HPSE2: variants seen among roughly 807,000 people sequenced by gnomAD.
HPSE2 encodes inactive heparanase-2.
HPSE2 carries 38 observed loss-of-function variants against 60.5 expected under a neutral mutation model. The observed-to-expected ratio is 0.63, with a 90% CI of 0.48 to 0.82. The LOEUF (loss-of-function observed/expected upper bound fraction) is 0.82. Among genes scored for constraint, HPSE2 ranks in the 40% least tolerant of loss-of-function variants. The pLI is 0.00. For synonymous variants in HPSE2, 295 were observed against 293.2 expected (o/e 1.01, Z -0.06); for missense variants, 713 against 740.4 (o/e 0.96, Z 0.43).
intron 3 of HPSE2, among the ~76,000 whole-genome samples, chr10:98,834,197 G>T (rs1440721742): frequency 6.6e-6 from 1 of 152,102 alleles, no homozygotes; most frequent in Non-Finnish European, 1.5e-5. Context: ...ACAATTTCAG[G>T]AAGTTCTGAC....
At chr10:98,522,361 G>A (rs1446326085) in intron 9 of HPSE2, among the ~76,000 whole-genome samples, 1 of 152,064 alleles carries the variant, frequency 6.6e-6, no homozygotes, top group African/African-American at 2.4e-5. Context: ...GAAACTAATA[G>A]GTACTTTGCT....
rs77246825 is a variant in HPSE2, at chr10:98,779,942, A to T, written c.611-35886T>A. On this transcript the variant is annotated intron_variant, in intron 3 of 11. Coordinates refer to ENST00000370552, the MANE Select transcript of HPSE2 (RefSeq NM_021828.5). ...TTGCCTGATTTCTAAGAGACTTGCT[A>T]GAGAGCCACACATTAGTTACAAGCA... Among the ~76,000 whole-genome samples, 778 of 152,300 alleles carry T rather than the reference A, an allele frequency of 5.1e-3. 6 individuals are homozygous for T. The highest frequency in any genetic ancestry group is 0.017 in the African/African-American group (721 of 41,576).
intron 9 of HPSE2, among the ~76,000 whole-genome samples, chr10:98,541,858 G>C (rs1378323483): frequency 1.3e-5 from 2 of 152,234 alleles, no homozygotes; most frequent in African/African-American, 4.8e-5. Flanking sequence ...AAGGAGGCCT[G>C]CCTGCCTCTG....
chr10:99,081,442 A>G (rs1589625045), intron 3 of HPSE2, among the ~76,000 whole-genome samples: 1 of 152,140 alleles, frequency 6.6e-6, no homozygotes, highest in East Asian at 1.9e-4. Context: ...CTCATCTGCA[A>G]AACAGGAATA....
intron 3 of HPSE2, among the ~76,000 whole-genome samples, chr10:98,925,871 C>T (rs529092716): frequency 5.6e-4 from 86 of 152,214 alleles, no homozygotes; most frequent in Admixed American, 9.8e-4. Context: ...GCTTCTTCAG[C>T]GCCAAGTTTG....
At chr10:99,297,993 C>T in the HPSE2 span, among the ~76,000 whole-genome samples, 107 of 152,304 alleles carry the variant, frequency 7.0e-4, 1 homozygote, top group African/African-American at 2.4e-3. Flanking sequence ...TTCCTGTGTG[C>T]TGTCTTATAA....
intron 6 of HPSE2, among the ~76,000 whole-genome samples, chr10:98,672,153 G>C (rs900779267): frequency 6.6e-6 from 1 of 152,282 alleles, no homozygotes; most frequent in South Asian, 2.1e-4. Context: ...GCTGTTGGTA[G>C]TTCTTTCATG....
At chr10:98,991,756 T>C (rs1956529851) in intron 3 of HPSE2, among the ~76,000 whole-genome samples, 2 of 151,808 alleles carry the variant, frequency 1.3e-5, no homozygotes, top group Non-Finnish European at 2.9e-5. Flanking sequence ...GAATGCGTGG[T>C]GGACAAAAAA....
At chr10:99,091,846 C>T (rs1843525738) in intron 3 of HPSE2, among the ~76,000 whole-genome samples, 1 of 152,172 alleles carries the variant, frequency 6.6e-6, no homozygotes, top group African/African-American at 2.4e-5. Context: ...CATGTCACTT[C>T]CTTCATTAAC....
chr10:99,008,088 A>G (rs1380223424), intron 3 of HPSE2, among the ~76,000 whole-genome samples: 1 of 152,226 alleles, frequency 6.6e-6, no homozygotes, highest in Non-Finnish European at 1.5e-5. Context: ...AAGTTCTTGC[A>G]GCTGAAGGCT....
intron 4 of HPSE2, among the ~76,000 whole-genome samples, chr10:98,729,740 T>C (rs1949183040): frequency 6.6e-6 from 1 of 151,596 alleles, no homozygotes; most frequent in South Asian, 2.1e-4. Context: ...AGAGATAATA[T>C]GAGGCATTTT....
At chr10:98,809,982 G>C (rs550397575) in intron 3 of HPSE2, among the ~76,000 whole-genome samples, 1 of 152,014 alleles carries the variant, frequency 6.6e-6, no homozygotes, top group African/African-American at 2.4e-5. Flanking sequence ...CTTGCCCCTC[G>C]TTTAGTCCAA....
intron 3 of HPSE2, among the ~76,000 whole-genome samples, chr10:98,955,592 A>G (rs1210350219): frequency 6.6e-6 from 1 of 152,176 alleles, no homozygotes; most frequent in Non-Finnish European, 1.5e-5. Flanking sequence ...TTGACCCAGC[A>G]ATCCCATTAC....
chr10:99,133,245 C>T (rs959374108), intron 3 of HPSE2, among the ~76,000 whole-genome samples: 6 of 152,206 alleles, frequency 3.9e-5, no homozygotes, highest in African/African-American at 1.4e-4. Context: ...CAGTCAGGGA[C>T]TTATAGATAA....
At chr10:98,550,530 ACG>A in intron 9 of HPSE2, among the ~76,000 whole-genome samples, 1 of 147,032 alleles carries the variant, frequency 6.8e-6, no homozygotes, top group East Asian at 2.0e-4. Context: ...GTGCAGTGGC[ACG>A]ATCTCAGCTC....
intron 9 of HPSE2, among the ~76,000 whole-genome samples, chr10:98,579,090 C>T (rs5002572): frequency 0.57 from 86,219 of 151,782 alleles, 24,676 homozygotes; most frequent in Middle Eastern, 0.65. Context: ...GGAATCTCAG[C>T]TGCAAAAAAT....
chr10:99,074,883 G>T (rs1053936732), intron 3 of HPSE2, among the ~76,000 whole-genome samples: 1 of 151,990 alleles, frequency 6.6e-6, no homozygotes, highest in African/African-American at 2.4e-5. Context: ...TATTTCTGTG[G>T]TATCAATTGT....
intron 6 of HPSE2, among the ~76,000 whole-genome samples, chr10:98,673,028 C>T (rs750435852): frequency 2.6e-5 from 4 of 152,106 alleles, no homozygotes; most frequent in Non-Finnish European, 5.9e-5. Flanking sequence ...CTGAAATCAG[C>T]GTTCTGAGGG....
At chr10:98,519,202 T>C (rs758912529) in intron 9 of HPSE2, among the ~76,000 whole-genome samples, 2 of 152,210 alleles carry the variant, frequency 1.3e-5, no homozygotes, top group Non-Finnish European at 2.9e-5. Context: ...ATCATCATCA[T>C]CATTCATTAA....
Sources: gnomAD v4.1 joint callset for allele counts (sites outside exome capture counted in the v4.1 genomes callset) on GRCh38, gnomAD v4.1.1 for gene constraint, MANE v1.5 for transcripts, NCBI Gene and HGNC (gene_info 2026-07-23, HGNC 2026-07-21) for gene names.